Variants in ERCC4 observed in about 807,000 individuals in gnomAD.
ERCC4 encodes DNA repair endonuclease XPF.
In ERCC4, 65 loss-of-function variants were observed where a neutral mutation model predicts 76.9. The observed-to-expected ratio is 0.84, with a 90% CI of 0.69 to 1.04. The LOEUF is 1.04. ERCC4 is among the 50% of genes least tolerant of loss of function. ERCC4 has a pLI of 0.00. For missense variants in ERCC4, 1,214 were observed against 1,128.2 expected, an observed-to-expected ratio of 1.08 and a Z score of -1.09; for synonymous variants, 463 against 410.1, an observed-to-expected ratio of 1.13 and a Z score of -1.56.
rs1465668562 is a variant in ERCC4, at chr16:13,948,766, C to T, written c.*419C>T. The T allele has an allele frequency of 4.3e-6, 1 of 234,408 alleles. No homozygotes were observed. Among genetic ancestry groups the T allele is most frequent in the Non-Finnish European group, 8.4e-6 (1 of 119,184 alleles). The allele number at this position is 234,408 out of a possible 1,614,324, so 14.5% of individuals were successfully genotyped here. A position where few individuals can be genotyped will look rare whatever the true frequency, so the allele number is the denominator to read the frequency against. On this transcript the variant is annotated 3_prime_UTR_variant, in exon 11 of 11. Transcript: ENST00000311895. The stretch of plus-strand genomic sequence containing the variant: ...TACCATTTTTAACAGTCCTTGTTAT[C>T]TAGTGCAACATAAATAACAGTCTTA...
At chr16:13,924,280 C>A (rs978963869) in intron 2 of ERCC4, among the ~76,000 whole-genome samples, 7 of 152,192 alleles carry the variant, frequency 4.6e-5, no homozygotes, top group African/African-American at 1.7e-4. Flanking sequence ...TCCCTGCTAA[C>A]CAGAACTCCT....
At position 13,935,361 on chromosome 16, in the gene ERCC4, C is replaced by T. The variant is rs41557814; in HGVS notation, c.1429C>T (p.Arg477Trp). The T allele has an allele frequency of 9.3e-6, 15 of 1,606,554 alleles. No homozygotes were observed. Among genetic ancestry groups the T allele is most frequent in the South Asian group, 1.1e-5 (1 of 88,938 alleles). ...KRPKDPQNKE[R>W]ASTKERTLKK... is the part of the protein sequence containing the mutation. ...ACCTAAAGACCCCCAAAACAAAGAA[C>T]GGGCTTCTACCAAAGAAAGAACCCT... The change falls in exon 8 of 11, where the codon CGG (arginine) becomes TGG (tryptophan). Residue 477 changes from arginine to tryptophan, a missense_variant. Coordinates refer to ENST00000311895, the MANE Select transcript of ERCC4 (RefSeq NM_005236.3).
At chr16:13,928,309 A>G (rs2032109118) in intron 4 of ERCC4, 74 bp downstream of exon 4, 5 of 1,065,488 alleles carry the variant, frequency 4.7e-6, no homozygotes, top group Non-Finnish European at 5.7e-6. Flanking sequence ...AATATTTGCA[A>G]TGTTGTTAAT....
At chr16:13,937,110 T>TG (rs1299264381) in intron 8 of ERCC4, among the ~76,000 whole-genome samples, 9 of 149,030 alleles carry the variant, frequency 6.0e-5, no homozygotes, top group African/African-American at 1.7e-4. Context: ...TTTGTAGAGA[T>TG]GGGGTCTCAG....
In ERCC4 at chr16:13,935,349, C is replaced by G; in HGVS notation, c.1417C>G (p.Gln473Glu). ...ATCTCACAAAAGACCTAAAGACCCC[C>G]AAAACAAAGAACGGGCTTCTACCAA... ...RKSHKRPKDP[Q>E]NKERASTKER... Residue 473 changes from glutamine to glutamate, a missense_variant, in exon 8 of 11, where the codon CAA (glutamine) becomes GAA (glutamate). Physicochemically the swap from Gln to Glu is conservative, Grantham distance 29 (BLOSUM62 2). Coordinates refer to ENST00000311895, the MANE Select transcript of ERCC4 (RefSeq NM_005236.3). The G allele has an allele frequency of 6.2e-7, 1 of 1,610,102 alleles. No individual in the cohort carries two copies. Among genetic ancestry groups the G allele is most frequent in the Non-Finnish European group, 8.5e-7 (1 of 1,179,102 alleles).
chr16:13,922,949 G>A (rs917637072), intron 2 of ERCC4, among the ~76,000 whole-genome samples: 48 of 152,224 alleles, frequency 3.2e-4, no homozygotes, highest in African/African-American at 1.2e-3. Context: ...TTTGCTTTTA[G>A]AACTTAATCA....
At chr16:13,936,532 T>C (rs2032297601) in intron 8 of ERCC4, among the ~76,000 whole-genome samples, 1 of 152,238 alleles carries the variant, frequency 6.6e-6, no homozygotes, top group Non-Finnish European at 1.5e-5. Context: ...GTAGATAGCT[T>C]ATGTACACCA....
rs772933233 is a variant in ERCC4 at position 13,920,261 on chromosome 16, A to G, written c.96A>G (p.Leu32=). The change falls in exon 1 of 11, where the codon CTA becomes CTG. Residue 32 remains leucine (L), a synonymous_variant. Coordinates refer to ENST00000311895, the MANE Select transcript of ERCC4 (RefSeq NM_005236.3). ...TGGAACTGCTCGACACTGACGGGCT[A>G]GTAGTGTGCGCCCGCGGGCTCGGCG... ...LVLELLDTDG[L]VVCARGLGAD... is the part of the protein sequence containing the mutation. The G allele has an allele frequency of 6.2e-7, 1 of 1,607,134 alleles. No individual in the cohort carries two copies. Among genetic ancestry groups the G allele is most frequent in the Admixed American group, 1.7e-5 (1 of 60,026 alleles).
At chr16:13,945,717 C>A (rs2032500771) in intron 10 of ERCC4, among the ~76,000 whole-genome samples, 1 of 152,152 alleles carries the variant, frequency 6.6e-6, no homozygotes, top group South Asian at 2.1e-4. Context: ...GGAAACATTG[C>A]CTCAGAGCCT....
intron 10 of ERCC4, among the ~76,000 whole-genome samples, chr16:13,945,113 A>G (rs946573463): frequency 6.6e-6 from 1 of 152,110 alleles, no homozygotes; most frequent in African/African-American, 2.4e-5. Context: ...TTTCCTTTAT[A>G]TTTGGTTGGT....
intron 10 of ERCC4, among the ~76,000 whole-genome samples, chr16:13,945,835 G>A (rs866758436): frequency 3.9e-5 from 6 of 152,318 alleles, no homozygotes; most frequent in East Asian, 1.9e-4. Context: ...AGAGCTGTTC[G>A]TAGAAGTCTT....
intron 9 of ERCC4, among the ~76,000 whole-genome samples, chr16:13,944,502 G>A (rs1016009702): frequency 6.7e-6 from 1 of 149,658 alleles, no homozygotes; most frequent in African/African-American, 2.6e-5. Flanking sequence ...GGAAAATCAA[G>A]AAGTAGTATC....
At chr16:13,932,475 A>C in intron 6 of ERCC4, 190 bp downstream of exon 6, 1 of 621,854 alleles carries the variant, frequency 1.6e-6, no homozygotes, top group South Asian at 2.0e-5. Flanking sequence ...TGTGTAATGT[A>C]TGTCGAAGTA....
intron 10 of ERCC4, 65 bp from the exon 11 acceptor site, chr16:13,947,549 A>G: frequency 6.5e-7 from 1 of 1,543,552 alleles, no homozygotes; most frequent in Non-Finnish European, 9.0e-7. Context: ...ATCGATTTTT[A>G]GATTTTGTTA....
At chr16:13,943,647 C>T (rs1245420926) in intron 9 of ERCC4, among the ~76,000 whole-genome samples, 1 of 152,142 alleles carries the variant, frequency 6.6e-6, no homozygotes, top group East Asian at 1.9e-4. Context: ...TGTTTTAACC[C>T]TTGTTGAAAT....
At chr16:13,944,196 G>C (rs2032471865) in intron 9 of ERCC4, 1 of 156,888 alleles carries the variant, frequency 6.4e-6, no homozygotes, top group Non-Finnish European at 1.4e-5. Flanking sequence ...TCAAAATCTT[G>C]ATCTTGATTT....
At position 13,920,246 on chromosome 16, in the gene ERCC4, C is replaced by G. The variant is rs1389032539; in HGVS notation, c.81C>G (p.Leu27=). The change falls in exon 1 of 11, where the codon CTC becomes CTG. Residue 27 remains leucine (L), a synonymous_variant. Coordinates refer to ENST00000311895, the MANE Select transcript of ERCC4 (RefSeq NM_005236.3). ...AGCGACAGCTGGTGCTGGAACTGCTCGACACTGACGGGCTAGTAGTGTGCG... is the reference window on the plus strand; with the variant it reads ...AGCGACAGCTGGTGCTGGAACTGCTGGACACTGACGGGCTAGTAGTGTGCG... ...EYERQLVLEL[L]DTDGLVVCAR... is the part of the protein sequence containing the mutation. 6.2e-7 allele frequency: 1 copy of G among 1,607,634 alleles called. No homozygotes were observed. Among genetic ancestry groups the G allele is most frequent in the African/African-American group, 1.3e-5 (1 of 74,940 alleles).
chr16:13,937,515 G>A (rs999244192), intron 8 of ERCC4, among the ~76,000 whole-genome samples: 3 of 152,154 alleles, frequency 2.0e-5, no homozygotes, highest in East Asian at 1.9e-4. Flanking sequence ...TTATATTTCA[G>A]TGTTTACCTA....
intron 9 of ERCC4, among the ~76,000 whole-genome samples, chr16:13,938,608 G>T (rs2032352187): frequency 6.6e-6 from 1 of 152,240 alleles, no homozygotes; most frequent in African/African-American, 2.4e-5. Context: ...GCTGGATGGG[G>T]CATCACAGAG....
Sources: allele counts gnomAD v4.1 joint callset (sites outside exome capture counted in the v4.1 genomes callset), GRCh38; gene constraint gnomAD v4.1.1; transcripts MANE v1.5; gene names NCBI Gene and HGNC (gene_info 2026-07-23, HGNC 2026-07-21).